Variants in KLHL13 observed in about 807,000 individuals in gnomAD.
KLHL13 encodes kelch-like protein 13.
Under a neutral mutation model 37.1 loss-of-function variants are expected in KLHL13, and 10 were observed. The observed-to-expected ratio is 0.27, with a 90% CI of 0.17 to 0.46. KLHL13 has a LOEUF of 0.46. Ranked by LOEUF, KLHL13 falls within the 20% of genes least tolerant of loss-of-function variation. The pLI is 1.00. For missense variants in KLHL13, 360 were observed against 509.3 expected (o/e 0.71, Z 2.82); for synonymous variants, 163 against 181.2 (o/e 0.90, Z 0.81).
At chrX:118,054,856 C>G (rs1240800173) in intron 1 of KLHL13, among the ~76,000 whole-genome samples, 6 of 111,011 alleles carry the variant, frequency 5.4e-5, no homozygotes, top group African/African-American at 2.0e-4. Flanking sequence ...CGATCAAAAG[C>G]CACAAGTCAA....
At chrX:118,085,034 T>G (rs2055038434) in intron 1 of KLHL13, among the ~76,000 whole-genome samples, 2 of 108,831 alleles carry the variant, frequency 1.8e-5, no homozygotes, top group Admixed American at 9.9e-5. Context: ...AAAATAATAA[T>G]AATAATAATA....
rs373073875 is a variant in KLHL13 at position 118,089,670 on chromosome X, A to G, written c.-56+26838T>C. ...AGAAAGAAAGAAAGAAAGAAAGAAAAAAGAAAGTTTCAATGAGATCCAGAA... is the reference window on the plus strand; with the variant it reads ...AGAAAGAAAGAAAGAAAGAAAGAAAGAAGAAAGTTTCAATGAGATCCAGAA... On this transcript the variant is annotated intron_variant, in intron 1 of 6. Transcript: ENST00000371882. Among the ~76,000 whole-genome samples the G allele has an allele frequency of 4.2e-3, 320 of 75,500 alleles. 3 individuals carry two copies. The highest frequency in any genetic ancestry group is 0.016 in the African/African-American group (300 of 18,847). 65.6% of individuals were successfully genotyped at this position (75,500 alleles called of 115,157 possible). A position where few individuals can be genotyped will look rare whatever the true frequency, so the allele number is the denominator to read the frequency against.
chrX:117,946,546 A>G (rs1350233242), intron 1 of KLHL13: 1 of 112,209 alleles, frequency 8.9e-6, no homozygotes, highest in Non-Finnish European at 1.9e-5. Context: ...CATTGCTAAA[A>G]TAATCTCTGG....
chrX:117,988,765 T>C (rs188056302), intron 1 of KLHL13, among the ~76,000 whole-genome samples: 9 of 112,214 alleles, frequency 8.0e-5, no homozygotes, highest in Admixed American at 1.9e-4. Flanking sequence ...GACCCTCTTA[T>C]ACATTTCTAA....
At chrX:118,099,122 TA>T (rs747497337) in intron 1 of KLHL13, among the ~76,000 whole-genome samples, 1 of 110,187 alleles carries the variant, frequency 9.1e-6, no homozygotes, top group Admixed American at 9.6e-5. Context: ...TAATAAAATT[TA>T]AAAAAATTAT....
intron 1 of KLHL13, among the ~76,000 whole-genome samples, chrX:118,047,761 A>T (rs917704958): frequency 2.7e-5 from 3 of 111,690 alleles, no homozygotes; most frequent in Non-Finnish European, 5.7e-5. Context: ...AAGGAATATG[A>T]GATGGGAGAG....
rs1175154140 is a variant in KLHL13 at position 118,057,825 on chromosome X, C to CA, written c.-56+58682dup. ...TGGGCAACAGAGCGAGAGTCCATTTCAAAAAAAAAAAAGTGAAAAATCCTA... is the reference window on the plus strand; with the variant it reads ...TGGGCAACAGAGCGAGAGTCCATTTCAAAAAAAAAAAAAGTGAAAAATCCTA... On this transcript the variant is annotated intron_variant, in intron 1 of 6. Coordinates refer to the KLHL13 transcript ENST00000371882. Among the ~76,000 whole-genome samples, 355 of 91,786 alleles carry CA rather than the reference C, an allele frequency of 3.9e-3. 3 individuals carry two copies. The highest frequency in any genetic ancestry group is 0.012 in the African/African-American group (300 of 25,012). The allele number at this position is 91,786 out of a possible 115,157, so 79.7% of individuals were successfully genotyped here.
chrX:118,020,806 G>T (rs1417842069), intron 1 of KLHL13, among the ~76,000 whole-genome samples: 1 of 110,149 alleles, frequency 9.1e-6, no homozygotes, highest in African/African-American at 3.3e-5. Context: ...GGAATACTAT[G>T]CAGCCATAAA....
At chrX:117,924,574 T>C (rs948451773) in intron 2 of KLHL13, among the ~76,000 whole-genome samples, 2 of 112,224 alleles carry the variant, frequency 1.8e-5, no homozygotes, top group Non-Finnish European at 3.8e-5. Context: ...GTATACCATA[T>C]ACCTATGCAG....
At chrX:118,017,443 G>T (rs899636427) in intron 1 of KLHL13, among the ~76,000 whole-genome samples, 1 of 111,527 alleles carries the variant, frequency 9.0e-6, no homozygotes, top group African/African-American at 3.3e-5. Context: ...ATTCTGAAAA[G>T]AGAACTCTAA....
rs145285421 is a variant in KLHL13 at position 118,063,785 on chromosome X, A to C, written c.-56+52723T>G. The stretch of plus-strand genomic sequence containing the variant: ...AGGTCATTGTGAATTCTTAATAAAG[A>C]ATTAAGCTAGATTTACTTTATATCA... On this transcript the variant is annotated intron_variant, in intron 1 of 6. Transcript: ENST00000371882. Among the ~76,000 whole-genome samples, 946 of 111,707 alleles carry C rather than the reference A, an allele frequency of 8.5e-3. 9 individuals carry two copies. The highest frequency in any genetic ancestry group is 0.027 in the African/African-American group (847 of 30,877).
chrX:118,095,440 T>C (rs2055193811), intron 1 of KLHL13, among the ~76,000 whole-genome samples: 1 of 111,214 alleles, frequency 9.0e-6, no homozygotes, highest in Non-Finnish European at 1.9e-5. Flanking sequence ...ACAATAATAA[T>C]GGGAGACTTT....
At chrX:118,032,307 G>C (rs2054363249) in intron 1 of KLHL13, among the ~76,000 whole-genome samples, 1 of 112,350 alleles carries the variant, frequency 8.9e-6, no homozygotes, top group African/African-American at 3.2e-5. Context: ...CAAACAAAAA[G>C]ACAGCAGTAA....
At chrX:118,106,143 C>T (rs370353515) in intron 1 of KLHL13, among the ~76,000 whole-genome samples, 2 of 107,003 alleles carry the variant, frequency 1.9e-5, no homozygotes, top group South Asian at 4.3e-4. Context: ...GTGATCCGCC[C>T]GCTTTGGCCT....
chrX:118,085,874 T>C (rs1414486680), intron 1 of KLHL13, among the ~76,000 whole-genome samples: 1 of 105,427 alleles, frequency 9.5e-6, no homozygotes, highest in East Asian at 3.1e-4. Flanking sequence ...CATCAGCTGA[T>C]GGTCACTTAG....
At chrX:117,956,775 T>G (rs187285234) in intron 1 of KLHL13, among the ~76,000 whole-genome samples, 159 of 111,585 alleles carry the variant, frequency 1.4e-3, no homozygotes, top group African/African-American at 4.8e-3. Context: ...GTTAAAAGTT[T>G]CCCTAGCTAG....
intron 1 of KLHL13, among the ~76,000 whole-genome samples, chrX:118,012,154 A>G (rs1399085754): frequency 9.0e-6 from 1 of 110,928 alleles, no homozygotes; most frequent in Non-Finnish European, 1.9e-5. Context: ...ACTACCATCA[A>G]TTCCTCTTTG....
intron 1 of KLHL13, among the ~76,000 whole-genome samples, chrX:118,009,869 C>A (rs2054039041): frequency 1.0e-5 from 1 of 99,609 alleles, no homozygotes; most frequent in South Asian, 5.2e-4. Flanking sequence ...GATATTGATT[C>A]TTCCTACCCA....
intron 1 of KLHL13, among the ~76,000 whole-genome samples, chrX:118,071,117 T>C (rs961885117): frequency 8.9e-5 from 10 of 112,093 alleles, no homozygotes; most frequent in Non-Finnish European, 1.9e-4. Context: ...TAGTATTCCA[T>C]GGTGTATATG....
Sources: gnomAD v4.1 joint callset for allele counts (sites outside exome capture counted in the v4.1 genomes callset) on GRCh38, gnomAD v4.1.1 for gene constraint, MANE v1.5 for transcripts, NCBI Gene and HGNC (gene_info 2026-07-23, HGNC 2026-07-21) for gene names.